The following SNTG2 variants were observed in gnomAD, a reference collection of about 807,000 sequenced individuals.
SNTG2 encodes the protein gamma-2-syntrophin.
A neutral mutation model predicts 70.9 loss-of-function variants in SNTG2; 74 were observed. The ratio of observed to expected loss-of-function variants is 1.04; its 90% CI spans 0.86 to 1.27. The LOEUF (loss-of-function observed/expected upper bound fraction) is 1.27. Among genes scored for constraint, SNTG2 ranks in the 50% most tolerant of loss-of-function variants. The probability of loss-of-function intolerance (pLI) is 0.00; values close to 1 mark genes in which losing one functional copy is unlikely to be tolerated. For synonymous variants in SNTG2, 278 were observed against 273.8 expected (o/e 1.02, Z -0.15); for missense variants, 717 against 690.7 (o/e 1.04, Z -0.43).
At chr2:1,048,874 G>A (rs1049166100) in intron 1 of SNTG2, among the ~76,000 whole-genome samples, 1 of 152,082 alleles carries the variant, frequency 6.6e-6, no homozygotes, top group Non-Finnish European at 1.5e-5. Context: ...CTTTTGTGAG[G>A]TGATGTTGTT....
At chr2:1,179,000 A>G (rs1446013285) in intron 8 of SNTG2, among the ~76,000 whole-genome samples, 1 of 152,054 alleles carries the variant, frequency 6.6e-6, no homozygotes, top group Admixed American at 6.6e-5. Context: ...TGGTCTATTC[A>G]GAGATTCAAC....
At position 1,021,716 on chromosome 2, in the gene SNTG2, A is replaced by G. The variant is rs930451166; in HGVS notation, c.73-61802A>G. ...CTCCTGGCACCTCCTGGCTCAAGCAATCCTCCCACCCCAGCCTCCTGAGTA... is the reference window on the plus strand; with the variant it reads ...CTCCTGGCACCTCCTGGCTCAAGCAGTCCTCCCACCCCAGCCTCCTGAGTA... On this transcript the variant is annotated intron_variant, in intron 1 of 16. Coordinates refer to ENST00000308624, the MANE Select transcript of SNTG2 (RefSeq NM_018968.4). Among the ~76,000 whole-genome samples the G allele has an allele frequency of 8.6e-5, 13 of 151,756 alleles. 1 individual carries two copies. The South Asian group carries it at 1.3e-3, about 15-fold the overall frequency.
chr2:1,192,637 C>T (rs557550723), intron 8 of SNTG2, among the ~76,000 whole-genome samples: 37 of 151,986 alleles, frequency 2.4e-4, no homozygotes, highest in Non-Finnish European at 4.6e-4. Flanking sequence ...CAATGTGAGA[C>T]GGGCTTCCTT....
intron 4 of SNTG2, among the ~76,000 whole-genome samples, chr2:1,100,617 CG>C (rs1572430903): frequency 6.6e-6 from 1 of 152,178 alleles, no homozygotes; most frequent in East Asian, 1.9e-4. Context: ...GTGGGTCCAC[CG>C]TTGCTGTGTC....
At chr2:1,298,388 C>T (rs974812536) in intron 14 of SNTG2, among the ~76,000 whole-genome samples, 1 of 152,168 alleles carries the variant, frequency 6.6e-6, no homozygotes, top group African/African-American at 2.4e-5. Context: ...CCCACCTTGG[C>T]CTCCCAAAGT....
chr2:1,260,570 A>G (rs1678361234), intron 13 of SNTG2, among the ~76,000 whole-genome samples: 4 of 152,228 alleles, frequency 2.6e-5, no homozygotes, highest in Admixed American at 6.5e-5. Flanking sequence ...TAAAAAATGG[A>G]GGAAAATAGA....
intron 1 of SNTG2, among the ~76,000 whole-genome samples, chr2:1,060,391 A>AG (rs1662734254): frequency 6.6e-6 from 1 of 152,120 alleles, no homozygotes; most frequent in Non-Finnish European, 1.5e-5. Context: ...GAGAGAGAGA[A>AG]GTGCATAGAT....
intron 1 of SNTG2, among the ~76,000 whole-genome samples, chr2:1,017,222 G>T (rs1659923659): frequency 6.6e-6 from 1 of 152,064 alleles, no homozygotes; most frequent in Admixed American, 6.6e-5. Context: ...CTGTTTTACT[G>T]CTGTAACATC....
intron 1 of SNTG2, among the ~76,000 whole-genome samples, chr2:1,072,343 C>CTTT (rs1412825740): frequency 1.3e-4 from 3 of 23,496 alleles, no homozygotes; most frequent in Admixed American, 5.6e-4. Flanking sequence ...TTTTCTTTTT[C>CTTT]TTTTTCTTTT....
chr2:1,250,838 G>A (rs1341562365), intron 12 of SNTG2, among the ~76,000 whole-genome samples: 1 of 152,174 alleles, frequency 6.6e-6, no homozygotes, highest in African/African-American at 2.4e-5. Context: ...TTTGGTGTGG[G>A]AAACTGTGCC....
intron 2 of SNTG2, among the ~76,000 whole-genome samples, chr2:1,087,947 T>C (rs1664786636): frequency 6.6e-6 from 1 of 152,252 alleles, no homozygotes; most frequent in Admixed American, 6.5e-5. Flanking sequence ...ATTCTACACT[T>C]GCTTGTCATA....
chr2:1,158,989 G>A (rs2147835808), intron 6 of SNTG2, among the ~76,000 whole-genome samples: 1 of 152,232 alleles, frequency 6.6e-6, no homozygotes, highest in South Asian at 2.1e-4. Context: ...TAGAGGAGAG[G>A]AAGTCAGCTT....
chr2:1,217,667 A>G (rs1674486490), intron 9 of SNTG2, among the ~76,000 whole-genome samples: 1 of 152,206 alleles, frequency 6.6e-6, no homozygotes, highest in South Asian at 2.1e-4. Context: ...TCTATTATGT[A>G]GAAATGTAGT....
At chr2:953,798 T>C (rs890274057) in intron 1 of SNTG2, among the ~76,000 whole-genome samples, 1 of 152,214 alleles carries the variant, frequency 6.6e-6, no homozygotes, top group African/African-American at 2.4e-5. Context: ...ACATGGGATG[T>C]TAAAATTGCC....
chr2:968,011 C>T (rs1029488616), intron 1 of SNTG2, among the ~76,000 whole-genome samples: 9 of 150,784 alleles, frequency 6.0e-5, no homozygotes, highest in African/African-American at 2.2e-4. Flanking sequence ...GGCAACAGAG[C>T]GAGACTCTGT....
chr2:1,152,202 T>C (rs972172806), intron 6 of SNTG2, among the ~76,000 whole-genome samples: 1 of 152,196 alleles, frequency 6.6e-6, no homozygotes, highest in Admixed American at 6.5e-5. Flanking sequence ...TGTGTGAAGA[T>C]GTAGGGTAGA....
intron 16 of SNTG2, among the ~76,000 whole-genome samples, chr2:1,360,699 C>A (rs1452604051): frequency 6.6e-6 from 1 of 151,900 alleles, no homozygotes; most frequent in Non-Finnish European, 1.5e-5. Context: ...CTCACTCAGA[C>A]AGAAGCAGCA....
intron 13 of SNTG2, among the ~76,000 whole-genome samples, chr2:1,260,004 G>A (rs890362467): frequency 2.0e-5 from 3 of 152,214 alleles, no homozygotes; most frequent in Admixed American, 6.5e-5. Context: ...CGCTCACCGT[G>A]GCCGGGTGCC....
intron 15 of SNTG2, among the ~76,000 whole-genome samples, chr2:1,310,693 C>T (rs903142971): frequency 9.9e-5 from 15 of 152,108 alleles, no homozygotes; most frequent in African/African-American, 1.4e-4. Flanking sequence ...CATCCTTCTC[C>T]GGAGCCTTTT....
Sources: gnomAD v4.1 joint callset for allele counts (sites outside exome capture counted in the v4.1 genomes callset) on GRCh38, gnomAD v4.1.1 for gene constraint, MANE v1.5 for transcripts, NCBI Gene and HGNC (gene_info 2026-07-23, HGNC 2026-07-21) for gene names.